NAA20: variants seen among roughly 807,000 people sequenced by gnomAD.
The protein encoded by NAA20 is N-alpha-acetyltransferase 20, NatB catalytic subunit.
Under a neutral mutation model 23.8 loss-of-function variants are expected in NAA20, and 24 were observed. That is an observed-to-expected ratio of 1.01 (90% confidence interval 0.73 to 1.42). NAA20 has a LOEUF of 1.42. Ranked by LOEUF, NAA20 falls within the 40% of genes most tolerant of loss-of-function variation. The probability of loss-of-function intolerance (pLI) is 0.00; values close to 1 mark genes in which losing one functional copy is unlikely to be tolerated. For missense variants in NAA20, 166 were observed against 223.1 expected (o/e 0.74, Z 1.63); for synonymous variants, 83 against 77.7 (o/e 1.07, Z -0.36).
chr20:20,026,790 G>C lies in NAA20; in HGVS notation c.176G>C (p.Gly59Ala). The C allele has an allele frequency of 6.2e-7, 1 of 1,614,046 alleles. No individual in the cohort carries two copies. The highest frequency in any genetic ancestry group is 8.5e-7 in the Non-Finnish European group (1 of 1,179,954). ...TTTTTGTTGTTGTTGGCAGTTATGG[G>C]TAAAGCAGAAGGCTCAGTAGCTAGG... ...PGGELMGYIM[G>A]KAEGSVAREE... Residue 59 changes from glycine (G) to alanine (A), a missense_variant, in exon 4 of 6, where the codon GGT becomes GCT. By Grantham distance (60) the Gly-to-Ala change is moderately conservative. Coordinates refer to ENST00000334982, the MANE Select transcript of NAA20 (RefSeq NM_016100.5).
chr20:20,023,078 G>C (rs746137963), intron 2 of NAA20, among the ~76,000 whole-genome samples: 2 of 152,216 alleles, frequency 1.3e-5, no homozygotes, highest in East Asian at 3.9e-4. Flanking sequence ...GAGGTCAGGC[G>C]TTCAAGACCA....
intron 4 of NAA20, among the ~76,000 whole-genome samples, chr20:20,027,430 C>T (rs6046549): frequency 0.11 from 16,125 of 151,840 alleles, 1,112 homozygotes; most frequent in African/African-American, 0.19. Context: ...GGCTAGCTAC[C>T]AATGAGAGGT....
chr20:20,025,232 C>T (rs1038397346), intron 2 of NAA20, among the ~76,000 whole-genome samples: 12 of 152,150 alleles, frequency 7.9e-5, no homozygotes, highest in Non-Finnish European at 1.5e-4. Flanking sequence ...GTAGGAACTA[C>T]CCATTAATTT....
intron 1 of NAA20, chr20:20,018,364 C>T: frequency 2.7e-6 from 1 of 371,534 alleles, no homozygotes; most frequent in Non-Finnish European, 5.0e-6. Flanking sequence ...TCTATCAGTC[C>T]TGGATCCACT....
intron 1 of NAA20, chr20:20,018,527 G>A (rs1450813010): frequency 6.1e-6 from 1 of 163,584 alleles, no homozygotes; most frequent in East Asian, 1.6e-4. Context: ...GGTAAGTGAG[G>A]AAGACGGAAG....
chr20:20,022,789 C>T, intron 2 of NAA20: 1 of 272,834 alleles, frequency 3.7e-6, no homozygotes, highest in Admixed American at 5.5e-5. Context: ...AGCAAGGTGG[C>T]TGCATAGTCT....
In NAA20 at chr20:20,025,768, G is replaced by GT; in HGVS notation, c.169+2dup. The GT allele has an allele frequency of 1.3e-6, 2 of 1,573,650 alleles. No individual in the cohort carries two copies. Among genetic ancestry groups the GT allele is most frequent in the Non-Finnish European group, 1.7e-6 (2 of 1,143,268 alleles). ...CCTGGTGGAGAATTAATGGGTTATAGTAAGTATAATACCACTAGTATTTTG... is the reference window on the plus strand; with the variant it reads ...CCTGGTGGAGAATTAATGGGTTATAGTTAAGTATAATACCACTAGTATTTTG... On this transcript the variant is annotated splice_donor_variant, in intron 3 of 5. Coordinates refer to ENST00000334982, the MANE Select transcript of NAA20 (RefSeq NM_016100.5). LOFTEE classifies it high-confidence loss of function.
At chr20:20,029,629 AAAAAT>A (rs1357180876) in intron 4 of NAA20, among the ~76,000 whole-genome samples, 1 of 152,112 alleles carries the variant, frequency 6.6e-6, no homozygotes, top group Non-Finnish European at 1.5e-5. Flanking sequence ...AAAAAAAAAA[AAAAAT>A]AGCGATTTAA....
At chr20:20,018,114 G>A (rs1016400617) in intron 1 of NAA20, 4 of 1,608,216 alleles carry the variant, frequency 2.5e-6, no homozygotes, top group African/African-American at 1.3e-5. Context: ...GAGGAGTCAC[G>A]GCAGATCTTA....
At chr20:20,023,572 T>C (rs947216623) in intron 2 of NAA20, among the ~76,000 whole-genome samples, 1 of 152,200 alleles carries the variant, frequency 6.6e-6, no homozygotes, top group Admixed American at 6.5e-5. Flanking sequence ...CTGTAACAGA[T>C]AACCCCACAT....
chr20:20,031,238 G>A (rs1170024889), intron 4 of NAA20, among the ~76,000 whole-genome samples: 1 of 152,204 alleles, frequency 6.6e-6, no homozygotes, highest in Non-Finnish European at 1.5e-5. Flanking sequence ...TCTTAGTGCT[G>A]TAGTTATCTA....
chr20:20,026,537 GTT>G (rs1371881058), intron 3 of NAA20, among the ~76,000 whole-genome samples: 6 of 148,282 alleles, frequency 4.0e-5, no homozygotes, highest in African/African-American at 1.5e-4. Flanking sequence ...AATTAGTTGT[GTT>G]TTAAGTATAT....
At chr20:20,018,461 A>G in intron 1 of NAA20, 1 of 190,498 alleles carries the variant, frequency 5.2e-6, no homozygotes, top group South Asian at 1.1e-4. Flanking sequence ...ACTATGGGAT[A>G]AGATGGCTGG....
chr20:20,018,974 A>AT, intron 1 of NAA20: 1 of 980,516 alleles, frequency 1.0e-6, no homozygotes, highest in South Asian at 4.7e-5. Context: ...AGAAACGCAC[A>AT]TTCCGTTTGC....
intron 1 of NAA20, among the ~76,000 whole-genome samples, chr20:20,020,986 G>A (rs139840015): frequency 1.4e-3 from 197 of 145,562 alleles, no homozygotes; most frequent in Non-Finnish European, 2.3e-3. Context: ...CCTATTGACA[G>A]GAGAGCAAGT....
chr20:20,018,160 T>C (rs2043244418), intron 1 of NAA20: 3 of 1,459,134 alleles, frequency 2.1e-6, no homozygotes, highest in Non-Finnish European at 2.9e-6. Context: ...CTGGATGCAG[T>C]TTCTTTGGAT....
intron 4 of NAA20, among the ~76,000 whole-genome samples, chr20:20,029,634 T>C (rs986464221): frequency 2.3e-5 from 3 of 131,826 alleles, no homozygotes; most frequent in Non-Finnish European, 4.9e-5. Context: ...AAAAAAAAAA[T>C]AGCGATTTAA....
chr20:20,021,591 AC>A (rs1354388564), intron 1 of NAA20, among the ~76,000 whole-genome samples: 1 of 152,186 alleles, frequency 6.6e-6, no homozygotes, highest in Non-Finnish European at 1.5e-5. Context: ...AGTAGATATT[AC>A]GCGTATAAAC....
At chr20:20,019,916 A>AT (rs2043256423) in intron 1 of NAA20, among the ~76,000 whole-genome samples, 1 of 152,100 alleles carries the variant, frequency 6.6e-6, no homozygotes, top group Non-Finnish European at 1.5e-5. Context: ...TGCCTCTTTG[A>AT]TTAGGGCATT....
Sources: allele counts gnomAD v4.1 joint callset (sites outside exome capture counted in the v4.1 genomes callset), GRCh38; gene constraint gnomAD v4.1.1; transcripts MANE v1.5; gene names NCBI Gene and HGNC (gene_info 2026-07-23, HGNC 2026-07-21).